The following DGCR2 variants were observed in gnomAD, a reference collection of about 807,000 sequenced individuals.
The protein encoded by DGCR2 is integral membrane protein DGCR2/IDD.
A neutral mutation model predicts 51.6 loss-of-function variants in DGCR2; 24 were observed. That is an observed-to-expected ratio of 0.47 (90% CI 0.34 to 0.65). DGCR2 has a LOEUF of 0.65. DGCR2 is among the 30% of genes least tolerant of loss of function. The pLI is 0.01. For synonymous variants in DGCR2, 340 were observed against 315.4 expected, an observed-to-expected ratio of 1.08 and a Z score of -0.82; for missense variants, 765 against 772.1, an observed-to-expected ratio of 0.99 and a Z score of 0.11.
At chr22:19,086,356 G>A (rs2146007163) in intron 2 of DGCR2, among the ~76,000 whole-genome samples, 1 of 152,150 alleles carries the variant, frequency 6.6e-6, no homozygotes, top group South Asian at 2.1e-4. Flanking sequence ...GCAGGCGCCT[G>A]TAATCCCAGC....
At chr22:19,103,650 G>C (rs1258902322) in intron 1 of DGCR2, among the ~76,000 whole-genome samples, 1 of 144,530 alleles carries the variant, frequency 6.9e-6, no homozygotes, top group African/African-American at 2.5e-5. Context: ...GGATGGTCTT[G>C]ATCTCCTGAC....
At chr22:19,067,230 G>C (rs2082759718) in intron 3 of DGCR2, among the ~76,000 whole-genome samples, 1 of 152,176 alleles carries the variant, frequency 6.6e-6, no homozygotes, top group African/African-American at 2.4e-5. Context: ...AGTCCTGCCT[G>C]GTCCACAGCC....
At chr22:19,088,445 A>T (rs1049576139) in intron 2 of DGCR2, among the ~76,000 whole-genome samples, 2 of 152,202 alleles carry the variant, frequency 1.3e-5, no homozygotes, top group African/African-American at 4.8e-5. Flanking sequence ...GAAAACATAA[A>T]GGAAGCACAC....
chr22:19,040,219 G>A (rs1158866445), intron 9 of DGCR2, among the ~76,000 whole-genome samples: 1 of 152,210 alleles, frequency 6.6e-6, no homozygotes, highest in Non-Finnish European at 1.5e-5. Context: ...GTGTCATGAG[G>A]GCAGGGGTCA....
At chr22:19,091,749 G>C (rs1027364327) in intron 1 of DGCR2, among the ~76,000 whole-genome samples, 1 of 151,152 alleles carries the variant, frequency 6.6e-6, no homozygotes, top group Non-Finnish European at 1.5e-5. Flanking sequence ...ACAGGAGTTC[G>C]AGACCAGCCT....
intron 1 of DGCR2, among the ~76,000 whole-genome samples, chr22:19,112,368 T>C (rs1463899389): frequency 6.6e-6 from 1 of 151,998 alleles, no homozygotes; most frequent in African/African-American, 2.4e-5. Flanking sequence ...GGGCTTGTTA[T>C]AAATACTGAG....
chr22:19,066,505 C>A (rs536950714), intron 3 of DGCR2, among the ~76,000 whole-genome samples: 2 of 152,224 alleles, frequency 1.3e-5, no homozygotes, highest in Non-Finnish European at 2.9e-5. Context: ...ACATTCATTG[C>A]GTGTTTCCTG....
intron 7 of DGCR2, among the ~76,000 whole-genome samples, chr22:19,045,080 T>TA (rs1171119468): frequency 1.1e-4 from 17 of 152,376 alleles, no homozygotes; most frequent in Non-Finnish European, 1.9e-4. Flanking sequence ...AGAAGCTTTA[T>TA]AATTCAAGGT....
At chr22:19,093,826 A>C (rs1391224347) in intron 1 of DGCR2, among the ~76,000 whole-genome samples, 1 of 151,792 alleles carries the variant, frequency 6.6e-6, no homozygotes, top group East Asian at 1.9e-4. Flanking sequence ...ACAAGACCTC[A>C]TCTCTACATT....
intron 9 of DGCR2, among the ~76,000 whole-genome samples, chr22:19,040,490 G>A (rs555097557): frequency 1.0e-3 from 155 of 152,318 alleles, no homozygotes; most frequent in African/African-American, 3.7e-3. Context: ...ACAGAGACAG[G>A]CCAGGGGTCA....
intron 5 of DGCR2, among the ~76,000 whole-genome samples, chr22:19,062,775 G>GTCTCTGTCTCTGTCTCTGTCTCTGTCTC (rs2082685543): frequency 9.2e-6 from 1 of 108,860 alleles, no homozygotes; most frequent in Non-Finnish European, 1.9e-5. Context: ...ACACATGCAT[G>GTCTCTGTCTCTGTCTCTGTCTCTGTCTC]CTCACTCTCT....
At chr22:19,121,249 T>C (rs1176522318) in intron 1 of DGCR2, among the ~76,000 whole-genome samples, 1 of 152,222 alleles carries the variant, frequency 6.6e-6, no homozygotes, top group Non-Finnish European at 1.5e-5. Context: ...TGTATTAATA[T>C]ACATACGAAA....
intron 9 of DGCR2, among the ~76,000 whole-genome samples, chr22:19,039,959 C>T (rs1054776335): frequency 3.9e-5 from 6 of 152,122 alleles, no homozygotes; most frequent in African/African-American, 1.2e-4. Flanking sequence ...CCCCTCCTCC[C>T]GCCTCAGCCT....
At chr22:19,117,700 G>A (rs1345411607) in intron 1 of DGCR2, among the ~76,000 whole-genome samples, 2 of 152,160 alleles carry the variant, frequency 1.3e-5, no homozygotes, top group South Asian at 4.1e-4. Flanking sequence ...GGATATGCAG[G>A]TGTTCTCTGC....
intron 8 of DGCR2, chr22:19,041,593 GCC>G: frequency 1.6e-6 from 1 of 623,176 alleles, no homozygotes; most frequent in Non-Finnish European, 2.8e-6. Flanking sequence ...ACCCTCAGAG[GCC>G]TCCGAGTTCT....
At chr22:19,073,754 T>A (rs1341326053) in intron 2 of DGCR2, among the ~76,000 whole-genome samples, 1 of 152,218 alleles carries the variant, frequency 6.6e-6, no homozygotes, top group African/African-American at 2.4e-5. Context: ...ACTTCAGACA[T>A]GCAAACAAGG....
At chr22:19,113,310 C>T (rs1300876342) in intron 1 of DGCR2, among the ~76,000 whole-genome samples, 1 of 151,860 alleles carries the variant, frequency 6.6e-6, no homozygotes, top group Non-Finnish European at 1.5e-5. Context: ...GCGGAGGTTG[C>T]AGTGAGCCGA....
At chr22:19,078,480 G>A (rs558703743) in intron 2 of DGCR2, among the ~76,000 whole-genome samples, 9 of 152,096 alleles carry the variant, frequency 5.9e-5, no homozygotes, top group Non-Finnish European at 1.2e-4. Context: ...AATCTTTAAG[G>A]TTTTTATATA....
At chr22:19,071,976 G>A (rs1480943437) in intron 2 of DGCR2, among the ~76,000 whole-genome samples, 1 of 152,138 alleles carries the variant, frequency 6.6e-6, no homozygotes, top group Non-Finnish European at 1.5e-5. Context: ...GGTAAAGGCT[G>A]CAGGAGTGTT....
Sources: gnomAD v4.1 joint callset for allele counts (sites outside exome capture counted in the v4.1 genomes callset) on GRCh38, gnomAD v4.1.1 for gene constraint, MANE v1.5 for transcripts, NCBI Gene and HGNC (gene_info 2026-07-23, HGNC 2026-07-21) for gene names.